The following EPS15L1 variants were observed in gnomAD, a reference collection of about 807,000 sequenced individuals.
EPS15L1 encodes the protein epidermal growth factor receptor pathway substrate 15 like 1.
EPS15L1 carries 43 observed loss-of-function variants against 117.1 expected under a neutral mutation model. The ratio of observed to expected loss-of-function variants is 0.37; its 90% CI spans 0.29 to 0.47. The LOEUF is 0.47. EPS15L1 is among the 20% of genes least tolerant of loss of function. The pLI is 0.99. For missense variants in EPS15L1, 981 were observed against 1,164.0 expected (o/e 0.84, Z 2.29); for synonymous variants, 459 against 470.5 (o/e 0.98, Z 0.32).
intron 13 of EPS15L1, among the ~76,000 whole-genome samples, chr19:16,406,050 T>G (rs1221749706): frequency 1.4e-5 from 2 of 139,078 alleles, no homozygotes; most frequent in Non-Finnish European, 3.1e-5. Flanking sequence ...AGAGGAGGGG[T>G]GGGTTTGCGG....
intron 19 of EPS15L1, 116 bp downstream of exon 19, chr19:16,392,188 C>A: frequency 8.5e-7 from 1 of 1,180,068 alleles, no homozygotes; most frequent in Non-Finnish European, 1.2e-6. Flanking sequence ...ACACCATGGC[C>A]CACACTCGCA....
At chr19:16,357,494 T>G (rs970167228) in intron 23 of EPS15L1, 2 of 152,354 alleles carry the variant, frequency 1.3e-5, no homozygotes, top group African/African-American at 4.8e-5. Flanking sequence ...GTGATCAGAT[T>G]GGCAGCGTCT....
rs913363053 is a variant in EPS15L1, at chr19:16,471,928, G to T, written c.18C>A (p.Ile6=). The change falls in exon 1 of 24, where the codon ATC becomes ATA. Residue 6 remains isoleucine (I), a synonymous_variant. Coordinates refer to ENST00000455140, the MANE Select transcript of EPS15L1 (RefSeq NM_001258374.3). The surrounding 1 kb of genome is among the most constrained non-coding windows in gnomAD (Gnocchi z 4.8). ...CGGCCCGTACCTGCTGGGAGAGGGG[G>T]ATGAGCGGCGCCGCCATCTTCCCGC... The part of the protein sequence containing the change: MAAPL[I]PLSQQIPTGN... 3.9e-6 allele frequency: 5 copies of T among 1,295,684 alleles called. No homozygotes were observed. The African/African-American group carries it at 7.7e-5, about 20-fold the overall frequency. 80.3% of individuals were successfully genotyped at this position (1,295,684 alleles called of 1,614,324 possible). A position where few individuals can be genotyped will look rare whatever the true frequency, so the allele number is the denominator to read the frequency against.
At chr19:16,382,910 G>C (rs2092378796) in intron 21 of EPS15L1, 1 of 152,018 alleles carries the variant, frequency 6.6e-6, no homozygotes, top group African/African-American at 2.4e-5. Context: ...ACTTACAAAA[G>C]GGCCTCCCTG....
At chr19:16,386,835 TG>T (rs2092425138) in intron 19 of EPS15L1, among the ~76,000 whole-genome samples, 1 of 152,244 alleles carries the variant, frequency 6.6e-6, no homozygotes, top group Non-Finnish European at 1.5e-5. Flanking sequence ...TGCCATCTGC[TG>T]GTGAGTGTCT....
At chr19:16,462,833 G>A (rs890418645) in intron 1 of EPS15L1, among the ~76,000 whole-genome samples, 1 of 152,202 alleles carries the variant, frequency 6.6e-6, no homozygotes, top group Non-Finnish European at 1.5e-5. Context: ...GCTGCACCCA[G>A]CTGCTTCCTC....
At chr19:16,437,527 C>T (rs151180212) in intron 5 of EPS15L1, among the ~76,000 whole-genome samples, 3 of 152,034 alleles carry the variant, frequency 2.0e-5, no homozygotes, top group African/African-American at 7.2e-5. Flanking sequence ...GGTCTCCTTG[C>T]GGAGGGATGA....
intron 8 of EPS15L1, 95 bp downstream of exon 8, chr19:16,428,607 A>G (rs1703515696): frequency 1.3e-6 from 1 of 799,392 alleles, no homozygotes; most frequent in Non-Finnish European, 2.0e-6. Context: ...AGAAAAAAGA[A>G]AAGAAAAAAG....
chr19:16,421,570 T>C (rs772630296), intron 9 of EPS15L1, 94 bp from the exon 10 acceptor site: 46 of 1,333,894 alleles, frequency 3.4e-5, no homozygotes, highest in Non-Finnish European at 4.7e-5. Flanking sequence ...AGCACTTCCA[T>C]GCACATTTGG....
chr19:16,453,685 C>T (rs2145141393), intron 1 of EPS15L1, among the ~76,000 whole-genome samples: 1 of 152,030 alleles, frequency 6.6e-6, no homozygotes, highest in South Asian at 2.1e-4. Flanking sequence ...TGCACTCCAG[C>T]CTGGGCGACA....
At chr19:16,417,517 T>A (rs1413024240) in intron 12 of EPS15L1, 35 bp downstream of exon 12, 16 of 1,552,404 alleles carry the variant, frequency 1.0e-5, no homozygotes, top group African/African-American at 1.4e-5. Flanking sequence ...TCGTGTAACA[T>A]CTGGATGTGG....
In EPS15L1 at chr19:16,371,215, T is replaced by G. The variant is rs2092220389; in HGVS notation, c.2380+5907A>C. On this transcript the variant is annotated intron_variant, in intron 22 of 23. Coordinates refer to ENST00000455140, the MANE Select transcript of EPS15L1 (RefSeq NM_001258374.3). The surrounding 1 kb of genome is among the most constrained non-coding windows in gnomAD (Gnocchi z 4.7). ...CCCTGGTTTCGATGTTGGCCTGGCA[T>G]TTCAGAGAAGTGGGAGAGCTGGCAG... Among the ~76,000 whole-genome samples the G allele has an allele frequency of 6.6e-6, 1 of 152,082 alleles. No individual in the cohort carries two copies. Among genetic ancestry groups the G allele is most frequent in the Non-Finnish European group, 1.5e-5 (1 of 68,006 alleles).
intron 13 of EPS15L1, among the ~76,000 whole-genome samples, chr19:16,412,518 AT>A (rs1388875460): frequency 6.6e-6 from 1 of 151,808 alleles, no homozygotes; most frequent in Non-Finnish European, 1.5e-5. Context: ...AGAAAAAAAA[AT>A]CTTCACTCTC....
At chr19:16,427,353 G>T (rs1450451385) in intron 8 of EPS15L1, among the ~76,000 whole-genome samples, 1 of 152,078 alleles carries the variant, frequency 6.6e-6, no homozygotes, top group Non-Finnish European at 1.5e-5. Context: ...GGACCACAGG[G>T]TTTCAGTTCT....
intron 23 of EPS15L1, 182 bp downstream of exon 23, chr19:16,361,597 A>C: frequency 1.6e-6 from 2 of 1,276,376 alleles, no homozygotes; most frequent in Non-Finnish European, 9.9e-7. Flanking sequence ...TTTTTTTTTT[A>C]TTGAGAAACT....
At chr19:16,397,871 C>A (rs117157819) in intron 16 of EPS15L1, among the ~76,000 whole-genome samples, 1 of 152,168 alleles carries the variant, frequency 6.6e-6, no homozygotes, top group Non-Finnish European at 1.5e-5. Context: ...TAAAGACACA[C>A]CCTCAGTGAA....
intron 16 of EPS15L1, among the ~76,000 whole-genome samples, chr19:16,396,553 C>T (rs1173436806): frequency 2.0e-5 from 3 of 152,120 alleles, no homozygotes; most frequent in African/African-American, 4.8e-5. Context: ...CATGAGCTAC[C>T]GCACCTGGCC....
rs572556650 is a variant in EPS15L1 at position 16,387,282 on chromosome 19, G to A, written c.2104-1051C>T. 7.9e-5 allele frequency among the ~76,000 whole-genome samples: 12 copies of A among 152,286 alleles called. No homozygotes were observed. In the East Asian group the frequency reaches 2.3e-3, roughly 29 times the overall value. On this transcript the variant is annotated intron_variant, in intron 19 of 23. Transcript: ENST00000455140. ...AGTTCAAGACCAGCCTGGACAACATGGCAAAACCCTGTCTCTACTAAAAAT... is the reference window on the plus strand; with the variant it reads ...AGTTCAAGACCAGCCTGGACAACATAGCAAAACCCTGTCTCTACTAAAAAT...
rs1388219892 is a variant in EPS15L1 at position 16,370,568 on chromosome 19, C to T, written c.2380+6554G>A. On this transcript the variant is annotated intron_variant, in intron 22 of 23. Transcript: ENST00000455140. The surrounding 1 kb of genome is among the most constrained non-coding windows in gnomAD (Gnocchi z 5.2). ...GCCTCAGCATTTGCACCCCACTGAACACCAGATGATAATCGAGTCACACGA... is the reference window on the plus strand; with the variant it reads ...GCCTCAGCATTTGCACCCCACTGAATACCAGATGATAATCGAGTCACACGA... Among the ~76,000 whole-genome samples the T allele has an allele frequency of 4.6e-5, 7 of 152,200 alleles. No individual in the cohort carries two copies. The highest frequency in any genetic ancestry group is 4.4e-5 in the Non-Finnish European group (3 of 68,030).
Sources: gnomAD v4.1 joint callset for allele counts (sites outside exome capture counted in the v4.1 genomes callset) on GRCh38, gnomAD v4.1.1 for gene constraint, Gnocchi (gnomAD v3.1) non-coding constraint, MANE v1.5 for transcripts, NCBI Gene and HGNC (gene_info 2026-07-23, HGNC 2026-07-21) for gene names.